LCT: variants seen among roughly 807,000 people sequenced by gnomAD.
The protein encoded by LCT is lactase/phlorizin hydrolase.
In LCT, 90 loss-of-function variants were observed where a neutral mutation model predicts 173.0. The ratio of observed to expected loss-of-function variants is 0.52; its 90% CI spans 0.44 to 0.62. LCT has a LOEUF of 0.62. Among genes scored for constraint, LCT ranks in the 20% least tolerant of loss-of-function variants. The pLI is 0.00. For synonymous variants in LCT, 853 were observed against 957.6 expected, an observed-to-expected ratio of 0.89 and a Z score of 2.02; for missense variants, 1,864 against 2,431.4, an observed-to-expected ratio of 0.77 and a Z score of 4.91.
Position 135,809,108 on chromosome 2 carries a change from G to T in LCT, c.3239C>A (p.Pro1080His). The T allele has an allele frequency of 6.2e-7, 1 of 1,614,092 alleles. No individual in the cohort carries two copies. The highest frequency in any genetic ancestry group is 8.5e-7 in the Non-Finnish European group (1 of 1,180,032). The part of the protein sequence containing the change: ...AWLGYGSGEF[P>H]PGVKDPGWAP... ...CCAGCCTGGGTCCTTCACCCCTGGG[G>T]GAAATTCCCCTGAGCCATAACCTAG... Residue 1080 changes from proline (P) to histidine (H), a missense_variant, in exon 8 of 17, where the codon CCC becomes CAC. By Grantham distance (77) the Pro-to-His change is moderately conservative. Transcript: ENST00000264162. The surrounding 1 kb of genome is among the most constrained non-coding windows in gnomAD (Gnocchi z 5.5).
chr2:135,830,267 TCGA>T (rs1011912910), intron 2 of LCT, among the ~76,000 whole-genome samples: 1 of 152,010 alleles, frequency 6.6e-6, no homozygotes, highest in African/African-American at 2.4e-5. Flanking sequence ...GTCCTGGTCG[TCGA>T]CACCCCCATC....
intron 2 of LCT, among the ~76,000 whole-genome samples, chr2:135,832,591 C>A (rs1005219153): frequency 2.0e-5 from 3 of 151,104 alleles, no homozygotes; most frequent in Non-Finnish European, 3.0e-5. Context: ...CTCAAGCAAT[C>A]CTCCCACCTC....
chr2:135,800,858 G>T, intron 11 of LCT, 49 bp from the exon 12 acceptor site: 1 of 1,444,868 alleles, frequency 6.9e-7, no homozygotes. Context: ...GAATGGATGT[G>T]ACTGAGATTG....
intron 11 of LCT, among the ~76,000 whole-genome samples, chr2:135,802,012 A>G (rs1438590411): frequency 2.0e-5 from 3 of 151,984 alleles, no homozygotes; most frequent in African/African-American, 7.3e-5. Context: ...CTCCTTGGGG[A>G]CCCATTGTGA....
At chr2:135,789,973 A>G (rs1463939546) in intron 15 of LCT, among the ~76,000 whole-genome samples, 175 bp from the exon 16 acceptor site, 3 of 152,178 alleles carry the variant, frequency 2.0e-5, no homozygotes, top group African/African-American at 7.2e-5. Context: ...AGTGACTGTT[A>G]GCGGGTCCTC....
At position 135,829,653 on chromosome 2, in the gene LCT, A is replaced by G; in HGVS notation, c.744T>C (p.Leu248=). ...CATTTTGGCATTCATAAGACAAATC[A>G]AGAGAGAGGAAATCGACCGTGTCCT... The part of the protein sequence containing the change: ...LAQDTVDFLS[L]DLSYECQNEA... Residue 248 remains leucine (L), a synonymous_variant, in exon 3 of 17, where the codon CTT becomes CTC. Transcript: ENST00000264162. 1 of 1,613,504 alleles carries G rather than the reference A, an allele frequency of 6.2e-7. No individual in the cohort carries two copies. The highest frequency in any genetic ancestry group is 1.1e-5 in the South Asian group (1 of 91,072).
Position 135,788,236 on chromosome 2 carries a change from C to A in LCT, c.*88G>T. 1 of 922,586 alleles carries A rather than the reference C, an allele frequency of 1.1e-6. No homozygotes were observed. The highest frequency in any genetic ancestry group is 1.8e-6 in the Non-Finnish European group (1 of 563,104). 57.1% of individuals were successfully genotyped at this position (922,586 alleles called of 1,614,324 possible). A position where few individuals can be genotyped will look rare whatever the true frequency, so the allele number is the denominator to read the frequency against. ...ACTTTATGGAGAAGTCCAGTATCAG[C>A]AGAGTCTAAGACCCTAAGGTGTTTG... On this transcript the variant is annotated 3_prime_UTR_variant, in exon 17 of 17. Coordinates refer to ENST00000264162, the MANE Select transcript of LCT (RefSeq NM_002299.4).
At chr2:135,810,198 G>T in intron 7 of LCT, 1 of 560,378 alleles carries the variant, frequency 1.8e-6, no homozygotes, top group Non-Finnish European at 3.1e-6. Flanking sequence ...TAGTGAGAAG[G>T]GGGAGAAGGG....
intron 13 of LCT, among the ~76,000 whole-genome samples, chr2:135,796,859 G>C (rs117647659): frequency 2.6e-5 from 4 of 152,020 alleles, no homozygotes; most frequent in Admixed American, 6.6e-5. Flanking sequence ...ATCACAGTTC[G>C]CAGATCAGAC....
At chr2:135,789,502 A>C in intron 16 of LCT, 69 bp downstream of exon 16, 1 of 1,076,704 alleles carries the variant, frequency 9.3e-7, no homozygotes, top group Non-Finnish European at 1.4e-6. Context: ...AGAAGAAAAC[A>C]GACTGAGAGA....
intron 4 of LCT, chr2:135,822,563 A>C (rs961846517): frequency 2.5e-5 from 5 of 198,346 alleles, no homozygotes; most frequent in African/African-American, 1.2e-4. Context: ...AAAAGGTACA[A>C]TTTTAACCAC....
chr2:135,833,697 T>C (rs111597330), intron 1 of LCT, among the ~76,000 whole-genome samples: 23 of 151,670 alleles, frequency 1.5e-4, no homozygotes, highest in Middle Eastern at 6.8e-3. Flanking sequence ...CTGCCCGCCT[T>C]GGCCTCCCAA....
At chr2:135,836,282 G>C (rs547135301) in intron 1 of LCT, among the ~76,000 whole-genome samples, 3 of 151,974 alleles carry the variant, frequency 2.0e-5, no homozygotes, top group African/African-American at 7.3e-5. Flanking sequence ...GCCTCCCAAA[G>C]TGCTAGGATT....
Position 135,835,379 on chromosome 2 carries a change from C to T in LCT, c.640+1151G>A, listed in dbSNP as rs558519940. Among the ~76,000 whole-genome samples, 29 of 150,610 alleles carry T rather than the reference C, an allele frequency of 1.9e-4. No homozygotes were observed. The South Asian group carries it at 4.6e-3, about 24-fold the overall frequency. ...CAATCCCCCTGCCTTGGCCTCCTAA[C>T]GTGCTGGGATTATAGGCATGAGCCA... is the stretch of plus-strand genomic sequence containing the variant. On this transcript the variant is annotated intron_variant, in intron 1 of 16. Coordinates refer to ENST00000264162, the MANE Select transcript of LCT (RefSeq NM_002299.4).
chr2:135,818,508 T>C (rs186373053), intron 5 of LCT, among the ~76,000 whole-genome samples: 1 of 152,348 alleles, frequency 6.6e-6, no homozygotes, highest in Admixed American at 6.5e-5. Flanking sequence ...GGTACTACAA[T>C]GATTTATCCT....
Position 135,795,535 on chromosome 2 carries a change from G to A in LCT, c.4977-760C>T, listed in dbSNP as rs186814186. On this transcript the variant is annotated intron_variant, in intron 13 of 16. Coordinates refer to ENST00000264162, the MANE Select transcript of LCT (RefSeq NM_002299.4). ...TGTATCTTGTGTAATTTGTATTTCC[G>A]TTTTCTGCCCTTTCCAAGTTTCTCT... Among the ~76,000 whole-genome samples, 533 of 151,556 alleles carry A rather than the reference G, an allele frequency of 3.5e-3. 4 individuals are homozygous for A. Among genetic ancestry groups the A allele is most frequent in the African/African-American group, 0.012 (488 of 41,332 alleles).
intron 3 of LCT, among the ~76,000 whole-genome samples, chr2:135,824,956 C>T (rs1411916128): frequency 7.1e-6 from 1 of 140,738 alleles, no homozygotes; most frequent in East Asian, 2.1e-4. Flanking sequence ...TGAACCGCTG[C>T]ACTTCAGTCT....
chr2:135,803,842 GC>G, intron 11 of LCT, 87 bp downstream of exon 11: 1 of 1,229,726 alleles, frequency 8.1e-7, no homozygotes, highest in Non-Finnish European at 1.2e-6. Flanking sequence ...TTTCTTGGTT[GC>G]CTCGTCCTGT....
At chr2:135,836,004 ATATATATATATG>A (rs150202461) in intron 1 of LCT, among the ~76,000 whole-genome samples, 19,415 of 51,670 alleles carry the variant, frequency 0.38, 2,498 homozygotes, top group Middle Eastern at 0.55. Context: ...ATATATATAT[ATATATATATATG>A]TATACATATT....
Sources: gnomAD v4.1 joint callset for allele counts (sites outside exome capture counted in the v4.1 genomes callset) on GRCh38, gnomAD v4.1.1 for gene constraint, Gnocchi (gnomAD v3.1) non-coding constraint, MANE v1.5 for transcripts, NCBI Gene and HGNC (gene_info 2026-07-23, HGNC 2026-07-21) for gene names.